OLFM2: variants seen among roughly 807,000 people sequenced by gnomAD.
OLFM2 encodes noelin-2.
A neutral mutation model predicts 43.9 loss-of-function variants in OLFM2; 20 were observed. The observed-to-expected ratio is 0.46, with a 90% CI of 0.32 to 0.66. The LOEUF is 0.66. OLFM2 is among the 30% of genes least tolerant of loss of function. The pLI is 0.04. For synonymous variants in OLFM2, 268 were observed against 278.6 expected, an observed-to-expected ratio of 0.96 and a Z score of 0.38; for missense variants, 416 against 643.6, an observed-to-expected ratio of 0.65 and a Z score of 3.83.
At chr19:9,891,314 G>GAA (rs56109769) in intron 1 of OLFM2, among the ~76,000 whole-genome samples, 75 of 125,700 alleles carry the variant, frequency 6.0e-4, no homozygotes, top group East Asian at 9.7e-4. Context: ...CTCCATCTCG[G>GAA]AAAAAAAAAA....
At chr19:9,913,688 T>C in intron 1 of OLFM2, 1 of 1,073,984 alleles carries the variant, frequency 9.3e-7, no homozygotes, top group Non-Finnish European at 1.1e-6. Context: ...GGGCGCTCGG[T>C]CCCTCGACAC....
chr19:9,917,920 C>T (rs1030615307), intron 1 of OLFM2, among the ~76,000 whole-genome samples: 6 of 151,972 alleles, frequency 3.9e-5, no homozygotes, highest in Admixed American at 3.9e-4. Context: ...GCTCTGTTGC[C>T]CAGGTTGGAG....
chr19:9,922,273 TACAC>T (rs35308457), intron 1 of OLFM2, among the ~76,000 whole-genome samples: 13 of 150,006 alleles, frequency 8.7e-5, no homozygotes, highest in African/African-American at 9.9e-5. Context: ...AAAATCTAGA[TACAC>T]ACACACACAC....
intron 1 of OLFM2, among the ~76,000 whole-genome samples, chr19:9,908,875 C>G (rs1395700312): frequency 6.6e-6 from 1 of 151,990 alleles, no homozygotes. Flanking sequence ...CCGTGCCTGG[C>G]TAAAAATGTA....
chr19:9,899,319 G>A (rs893872877), intron 1 of OLFM2, among the ~76,000 whole-genome samples: 6 of 151,004 alleles, frequency 4.0e-5, no homozygotes, highest in Non-Finnish European at 8.8e-5. Flanking sequence ...CAGAAGCCTC[G>A]AATGCAGTGT....
chr19:9,869,040 G>GA (rs1239690056), intron 1 of OLFM2, among the ~76,000 whole-genome samples: 1 of 135,660 alleles, frequency 7.4e-6, no homozygotes, highest in Non-Finnish European at 1.5e-5. Context: ...AACAGAGCCA[G>GA]AAACGAGGCT....
At chr19:9,908,014 T>A (rs1015782872) in intron 1 of OLFM2, among the ~76,000 whole-genome samples, 4 of 151,722 alleles carry the variant, frequency 2.6e-5, no homozygotes, top group Non-Finnish European at 5.9e-5. Context: ...CAAAAAAAAA[T>A]AAAATAAAAT....
chr19:9,932,901 T>C (rs2086492192), intron 1 of OLFM2, among the ~76,000 whole-genome samples: 1 of 152,128 alleles, frequency 6.6e-6, no homozygotes, highest in African/African-American at 2.4e-5. Flanking sequence ...GAATGGACAA[T>C]GCCTCTGACA....
chr19:9,864,929 C>T (rs1346116785), intron 1 of OLFM2, among the ~76,000 whole-genome samples: 2 of 151,376 alleles, frequency 1.3e-5, no homozygotes, highest in Non-Finnish European at 2.9e-5. Context: ...CTGCGCCTGG[C>T]GTACTCATTA....
chr19:9,906,304 T>G (rs28699501), intron 1 of OLFM2, among the ~76,000 whole-genome samples: 5,129 of 141,026 alleles, frequency 0.036, 359 homozygotes, highest in East Asian at 0.26. Context: ...GCACACAGGG[T>G]GGGGGAGAGG....
chr19:9,894,660 G>C (rs1407278490), intron 1 of OLFM2, among the ~76,000 whole-genome samples: 1 of 151,860 alleles, frequency 6.6e-6, no homozygotes, highest in Non-Finnish European at 1.5e-5. Context: ...AGTGAGCCGA[G>C]ATTGCACCAT....
chr19:9,878,272 C>G (rs779472507), intron 1 of OLFM2, among the ~76,000 whole-genome samples: 1 of 151,810 alleles, frequency 6.6e-6, no homozygotes. Context: ...ATAAGCAAAT[C>G]GGTGCTGACT....
At chr19:9,932,478 A>G (rs76559495) in intron 1 of OLFM2, among the ~76,000 whole-genome samples, 3,409 of 151,436 alleles carry the variant, frequency 0.023, 97 homozygotes, top group Middle Eastern at 0.072. Flanking sequence ...AAAAGAAAGA[A>G]AGAGAGAGAA....
chr19:9,856,804 C>T lies in OLFM2; in HGVS notation c.687+3G>A. On this transcript the variant is annotated splice_donor_region_variant and intron_variant, in intron 5 of 5. Coordinates refer to ENST00000264833, the MANE Select transcript of OLFM2 (RefSeq NM_058164.4). This position sits in a 1 kb window ranked among gnomAD's most constrained non-coding sequence, Gnocchi z 4.0. ...GACCCCAGGGGTGGGCGCAGTCACT[C>T]ACCCGGCTATCCGCACTGGGGGCCA... The T allele has an allele frequency of 2.5e-6, 4 of 1,612,168 alleles. No homozygotes were observed. The South Asian group carries it at 3.3e-5, about 13-fold the overall frequency.
At chr19:9,910,115 T>A (rs986514639) in intron 1 of OLFM2, among the ~76,000 whole-genome samples, 1 of 152,120 alleles carries the variant, frequency 6.6e-6, no homozygotes, top group Non-Finnish European at 1.5e-5. Context: ...GACAGGAGAA[T>A]GACTTGAGCC....
Position 9,857,558 on chromosome 19 carries a change from A to C in OLFM2, c.361-76T>G. The C allele has an allele frequency of 5.1e-6, 8 of 1,570,230 alleles. No individual in the cohort carries two copies. The highest frequency in any genetic ancestry group is 7.0e-6 in the Non-Finnish European group (8 of 1,148,104). ...CAGACATGACTCCAACCTCTGACTCATAACTTCACCCTTTGTCTTTGATGC... is the reference window on the plus strand; with the variant it reads ...CAGACATGACTCCAACCTCTGACTCCTAACTTCACCCTTTGTCTTTGATGC... On this transcript the variant is annotated intron_variant, in intron 3 of 5. Transcript: ENST00000264833. The surrounding 1 kb of genome is among the most constrained non-coding windows in gnomAD (Gnocchi z 5.7).
chr19:9,902,326 C>A (rs1882465053), intron 1 of OLFM2, among the ~76,000 whole-genome samples: 1 of 151,782 alleles, frequency 6.6e-6, no homozygotes, highest in South Asian at 2.1e-4. Context: ...CTGCGCCCAG[C>A]CGACTCTATA....
intron 1 of OLFM2, among the ~76,000 whole-genome samples, chr19:9,904,229 C>T (rs1268135942): frequency 2.0e-5 from 3 of 150,892 alleles, no homozygotes; most frequent in Admixed American, 6.7e-5. Flanking sequence ...CTCACTCTGT[C>T]GCCCAGGCTG....
chr19:9,861,292 G>A lies in OLFM2; in HGVS notation c.64-498C>T, dbSNP rs562273710. 2.7e-5 allele frequency among the ~76,000 whole-genome samples: 4 copies of A among 150,208 alleles called. No homozygotes were observed. In the South Asian group the frequency reaches 8.4e-4, roughly 32 times the overall value. ...CACCCAGGCTGGAGAGCAGTGGCGC[G>A]ATCTGGGCTCACTGCAACCTCCGCC... On this transcript the variant is annotated intron_variant, in intron 1 of 5. Transcript: ENST00000264833.
Sources: gnomAD v4.1 joint callset for allele counts (sites outside exome capture counted in the v4.1 genomes callset) on GRCh38, gnomAD v4.1.1 for gene constraint, Gnocchi (gnomAD v3.1) non-coding constraint, MANE v1.5 for transcripts, NCBI Gene and HGNC (gene_info 2026-07-23, HGNC 2026-07-21) for gene names.